Variants in MTBP observed in about 807,000 individuals in gnomAD.
The protein encoded by MTBP is mdm2-binding protein.
Under a neutral mutation model 117.0 loss-of-function variants are expected in MTBP, and 101 were observed. The ratio of observed to expected loss-of-function variants is 0.86; its 90% CI spans 0.73 to 1.02. MTBP has a LOEUF of 1.02. Ranked by LOEUF, MTBP falls within the 50% of genes least tolerant of loss-of-function variation. MTBP has a pLI of 0.00. For synonymous variants in MTBP, 350 were observed against 351.5 expected (o/e 1.00, Z 0.05); for missense variants, 970 against 1,030.9 (o/e 0.94, Z 0.81).
chr8:120,498,307 A>C (rs1172777883), intron 14 of MTBP, among the ~76,000 whole-genome samples: 2 of 152,226 alleles, frequency 1.3e-5, no homozygotes, highest in Non-Finnish European at 2.9e-5. Context: ...CACAAGTACC[A>C]AAAAAGATGT....
At chr8:120,523,244 ATTAC>A (rs1815034411) in intron 21 of MTBP, 50 bp from the exon 22 acceptor site, 12 of 1,175,280 alleles carry the variant, frequency 1.0e-5, no homozygotes, top group Non-Finnish European at 1.5e-5. Context: ...ATATTTTTCT[ATTAC>A]TTGTGTTTTC....
chr8:120,464,312 A>G (rs771676638), intron 10 of MTBP, among the ~76,000 whole-genome samples: 1 of 152,064 alleles, frequency 6.6e-6, no homozygotes, highest in Non-Finnish European at 1.5e-5. Context: ...TACAATATAA[A>G]GAATTTTAAG....
intron 11 of MTBP, among the ~76,000 whole-genome samples, chr8:120,483,448 G>A (rs1814139363): frequency 6.6e-6 from 1 of 152,010 alleles, no homozygotes. Context: ...AGAATATCCT[G>A]TTTCCCCCGT....
chr8:120,453,494 A>G lies in MTBP; in HGVS notation c.426-353A>G, dbSNP rs1457869622. 2.0e-5 allele frequency among the ~76,000 whole-genome samples: 3 copies of G among 152,142 alleles called. No homozygotes were observed. In the East Asian group the frequency reaches 5.8e-4, roughly 29 times the overall value. Reference sequence around the variant, plus strand: ...ATAAATAAATAAATAAAAGGTTCCAAAAAAAGTTTGGTCTGTTAGTTATGA... The same window carrying G: ...ATAAATAAATAAATAAAAGGTTCCAGAAAAAGTTTGGTCTGTTAGTTATGA... On this transcript the variant is annotated intron_variant, in intron 4 of 21. Coordinates refer to ENST00000305949, the MANE Select transcript of MTBP (RefSeq NM_022045.5).
chr8:120,464,359 T>C (rs1357828902), intron 10 of MTBP, among the ~76,000 whole-genome samples: 5 of 151,996 alleles, frequency 3.3e-5, no homozygotes, highest in African/African-American at 1.2e-4. Context: ...CAGTTTCTAA[T>C]AGGAAAAAGT....
intron 4 of MTBP, chr8:120,452,421 C>A (rs563104016): frequency 6.6e-6 from 1 of 152,288 alleles, no homozygotes; most frequent in South Asian, 2.1e-4. Context: ...CACGTAACTT[C>A]TCTGGTCGTT....
Position 120,509,926 on chromosome 8 carries a change from T to C in MTBP, c.1884-8T>C. 6.3e-7 allele frequency: 1 copy of C among 1,595,688 alleles called. No homozygotes were observed. The highest frequency in any genetic ancestry group is 8.5e-7 in the Non-Finnish European group (1 of 1,171,622). ...CTTTGAATACAAATGAAAAATTTTT[T>C]GTTTCAGGGAAAAGACTTTTGTTTT... On this transcript the variant is annotated splice_region_variant and splice_polypyrimidine_tract_variant and intron_variant, in intron 16 of 21. Coordinates refer to ENST00000305949, the MANE Select transcript of MTBP (RefSeq NM_022045.5).
intron 4 of MTBP, chr8:120,452,414 G>A (rs1813375483): frequency 6.6e-6 from 1 of 152,160 alleles, no homozygotes; most frequent in Non-Finnish European, 1.5e-5. Context: ...GGCCAGTCAC[G>A]TAACTTCTCT....
intron 10 of MTBP, among the ~76,000 whole-genome samples, chr8:120,467,403 T>C (rs1813721645): frequency 6.6e-6 from 1 of 152,108 alleles, no homozygotes; most frequent in African/African-American, 2.4e-5. Flanking sequence ...TCACTTGAGG[T>C]CAGGAGTCCA....
At position 120,446,448 on chromosome 8, in the gene MTBP, A is replaced by G; in HGVS notation, c.134A>G (p.Asn45Ser). The change falls in exon 2 of 22, where the codon AAT becomes AGT. Residue 45 changes from asparagine to serine, a missense_variant. Asn to Ser is a conservative substitution (Grantham distance 46). Transcript: ENST00000305949. Reference protein sequence around the residue: ...TENQPDFTAANVYHLLKRSIS... With the variant: ...TENQPDFTAASVYHLLKRSIS... ...TCTTTTTCAGACTTCACAGCAGCAA[A>G]TGTTTATCACCTCTTGAAAAGAAGC... 6.2e-7 allele frequency: 1 copy of G among 1,607,876 alleles called. No homozygotes were observed. Among genetic ancestry groups the G allele is most frequent in the Non-Finnish European group, 8.5e-7 (1 of 1,174,620 alleles).
In MTBP at chr8:120,451,199, A is replaced by C. The variant is rs1392021185; in HGVS notation, c.302A>C (p.His101Pro). 6.2e-7 allele frequency: 1 copy of C among 1,609,160 alleles called. No homozygotes were observed. Among genetic ancestry groups the C allele is most frequent in the Admixed American group, 1.7e-5 (1 of 59,720 alleles). ...TGTAGTTCTGATTGGCAAGAGATAC[A>C]TTTTGATACAGAAAAAGATAAAATT... is the stretch of plus-strand genomic sequence containing the variant. Reference protein sequence around the residue: ...QFCSSDWQEIHFDTEKDKIED... With the variant: ...QFCSSDWQEIPFDTEKDKIED... Residue 101 changes from histidine to proline, a missense_variant, in exon 4 of 22, where the codon CAT (histidine) becomes CCT (proline). His to Pro is a moderately conservative substitution (Grantham distance 77, BLOSUM62 -2). Coordinates refer to ENST00000305949, the MANE Select transcript of MTBP (RefSeq NM_022045.5).
chr8:120,452,202 T>G (rs1813371582), intron 4 of MTBP: 1 of 152,226 alleles, frequency 6.6e-6, no homozygotes, highest in South Asian at 2.1e-4. Flanking sequence ...ATTTTAGTCT[T>G]TCATAACATT....
intron 10 of MTBP, among the ~76,000 whole-genome samples, chr8:120,466,365 C>G (rs545464581): frequency 2.4e-4 from 37 of 151,504 alleles, no homozygotes; most frequent in African/African-American, 8.9e-4. Flanking sequence ...GCATACACCA[C>G]CATGGTTGGC....
At chr8:120,481,371 AG>A (rs1459112485) in intron 11 of MTBP, among the ~76,000 whole-genome samples, 1 of 152,232 alleles carries the variant, frequency 6.6e-6, no homozygotes, top group Non-Finnish European at 1.5e-5. Context: ...GCTTATATGC[AG>A]GTGTTTATAA....
In MTBP at chr8:120,491,364, G is replaced by C. The variant is rs111729359; in HGVS notation, c.1447+794G>C. ...ACCTATTCAATAGAAGATAATTTTA[G>C]AATAGTTGGTCTCAATTATTCATGT... On this transcript the variant is annotated intron_variant, in intron 13 of 21. Coordinates refer to ENST00000305949, the MANE Select transcript of MTBP (RefSeq NM_022045.5). Among the ~76,000 whole-genome samples the C allele has an allele frequency of 7.9e-3, 1,199 of 152,136 alleles. 19 individuals carry two copies. Among genetic ancestry groups the C allele is most frequent in the African/African-American group, 0.027 (1,121 of 41,514 alleles).
At chr8:120,503,468 A>C (rs1814625145) in intron 15 of MTBP, among the ~76,000 whole-genome samples, 1 of 152,116 alleles carries the variant, frequency 6.6e-6, no homozygotes, top group Non-Finnish European at 1.5e-5. Flanking sequence ...AAGTGGTAGT[A>C]CTCACTTAGA....
intron 6 of MTBP, among the ~76,000 whole-genome samples, 164 bp downstream of exon 6, chr8:120,455,743 A>G (rs1193116976): frequency 6.6e-6 from 1 of 152,020 alleles, no homozygotes; most frequent in East Asian, 1.9e-4. Flanking sequence ...AAGAATCTAG[A>G]TGTTTCATAT....
chr8:120,463,205 AC>A (rs1217368631), intron 9 of MTBP, among the ~76,000 whole-genome samples: 1 of 152,140 alleles, frequency 6.6e-6, no homozygotes, highest in Non-Finnish European at 1.5e-5. Flanking sequence ...GCATGAAGAA[AC>A]CTAAGAATCA....
At chr8:120,496,190 A>G (rs1412569387) in intron 13 of MTBP, among the ~76,000 whole-genome samples, 1 of 152,140 alleles carries the variant, frequency 6.6e-6, no homozygotes, top group Non-Finnish European at 1.5e-5. Context: ...CATCCTGAAG[A>G]CTTGCTCACT....
Sources: gnomAD v4.1 joint callset for allele counts (sites outside exome capture counted in the v4.1 genomes callset) on GRCh38, gnomAD v4.1.1 for gene constraint, MANE v1.5 for transcripts, NCBI Gene and HGNC (gene_info 2026-07-23, HGNC 2026-07-21) for gene names.